CDKAL1: variants seen among roughly 807,000 people sequenced by gnomAD.
CDKAL1 encodes threonylcarbamoyladenosine tRNA methylthiotransferase.
CDKAL1 carries 32 observed loss-of-function variants against 68.2 expected under a neutral mutation model. The observed-to-expected ratio is 0.47, with a 90% confidence interval of 0.35 to 0.63. The LOEUF (loss-of-function observed/expected upper bound fraction) is 0.63. Ranked by LOEUF, CDKAL1 falls within the 30% of genes least tolerant of loss-of-function variation. The probability of loss-of-function intolerance (pLI) is 0.00; values close to 1 mark genes in which losing one functional copy is unlikely to be tolerated. For synonymous variants in CDKAL1, 234 were observed against 244.3 expected (o/e 0.96, Z 0.39); for missense variants, 606 against 696.7 (o/e 0.87, Z 1.47).
intron 11 of CDKAL1, among the ~76,000 whole-genome samples, chr6:21,033,636 A>G (rs1468876375): frequency 1.3e-5 from 2 of 152,154 alleles, no homozygotes; most frequent in African/African-American, 4.8e-5. Flanking sequence ...AGGCCTTGGC[A>G]TACTGTCATG....
chr6:20,575,441 C>CAAAAAAAAAA (rs57442477), intron 4 of CDKAL1, among the ~76,000 whole-genome samples: 6 of 94,310 alleles, frequency 6.4e-5, no homozygotes, highest in Non-Finnish European at 1.1e-4. Context: ...AGGGGCACCA[C>CAAAAAAAAAA]AAAAAAAAAA....
At chr6:20,678,037 A>G (rs1770197171) in intron 5 of CDKAL1, among the ~76,000 whole-genome samples, 1 of 148,472 alleles carries the variant, frequency 6.7e-6, no homozygotes, top group Admixed American at 6.7e-5. Flanking sequence ...AAGAAGGTGT[A>G]TTCTCTTCTC....
At chr6:20,799,917 G>C (rs1409915782) in intron 8 of CDKAL1, 2 of 152,208 alleles carry the variant, frequency 1.3e-5, no homozygotes, top group African/African-American at 2.4e-5. Context: ...ATGATGATTT[G>C]TTTAAATTTA....
chr6:21,221,684 T>A (rs1779544550), intron 15 of CDKAL1, among the ~76,000 whole-genome samples: 1 of 152,220 alleles, frequency 6.6e-6, no homozygotes, highest in African/African-American at 2.4e-5. Context: ...AAACTCTAAT[T>A]TATCCTGAGA....
At chr6:21,083,411 C>G (rs140820579) in intron 12 of CDKAL1, among the ~76,000 whole-genome samples, 1 of 152,042 alleles carries the variant, frequency 6.6e-6, no homozygotes, top group African/African-American at 2.4e-5. Context: ...CAGTTTTTAA[C>G]ATTTTGCTAC....
chr6:20,741,725 G>T (rs1363883731), intron 6 of CDKAL1, among the ~76,000 whole-genome samples: 2 of 152,080 alleles, frequency 1.3e-5, no homozygotes, highest in African/African-American at 4.8e-5. Flanking sequence ...GTCATTGTAG[G>T]TTGATTCCAT....
intron 2 of CDKAL1, among the ~76,000 whole-genome samples, chr6:20,540,234 T>A (rs1310805105): frequency 1.3e-5 from 2 of 151,390 alleles, no homozygotes; most frequent in African/African-American, 2.4e-5. Flanking sequence ...CCACTATGCC[T>A]GGCTAATTTT....
At position 20,944,624 on chromosome 6, in the gene CDKAL1, C is replaced by A. The variant is rs114536293; in HGVS notation, c.743-10795C>A. Among the ~76,000 whole-genome samples, 636 of 152,346 alleles carry A rather than the reference C, an allele frequency of 4.2e-3. 6 individuals are homozygous for A. The highest frequency in any genetic ancestry group is 0.014 in the African/African-American group (580 of 41,582). ...CCTCCCAAAGTGCCGGGATTATAGGCATGGGCCACTGTGCCTGGCCTGTCC... is the reference window on the plus strand; with the variant it reads ...CCTCCCAAAGTGCCGGGATTATAGGAATGGGCCACTGTGCCTGGCCTGTCC... On this transcript the variant is annotated intron_variant, in intron 9 of 15. Coordinates refer to ENST00000274695, the MANE Select transcript of CDKAL1 (RefSeq NM_017774.3).
chr6:20,688,127 C>G (rs1012025453), intron 5 of CDKAL1, among the ~76,000 whole-genome samples: 1 of 151,882 alleles, frequency 6.6e-6, no homozygotes, highest in African/African-American at 2.4e-5. Flanking sequence ...TTATTCCCCC[C>G]TCACCCCCCA....
At chr6:20,739,886 T>A (rs1323414320) in intron 6 of CDKAL1, among the ~76,000 whole-genome samples, 2 of 152,204 alleles carry the variant, frequency 1.3e-5, no homozygotes, top group Non-Finnish European at 2.9e-5. Flanking sequence ...ACCCGGTCTT[T>A]GGCTGTCTGT....
intron 9 of CDKAL1, among the ~76,000 whole-genome samples, chr6:20,913,116 T>TACAC (rs70990080): frequency 0.053 from 7,174 of 136,426 alleles, 273 homozygotes; most frequent in African/African-American, 0.096. Context: ...CACAGTTGTT[T>TACAC]ACACACACAC....
At chr6:20,632,316 A>G (rs537479571) in intron 4 of CDKAL1, among the ~76,000 whole-genome samples, 33 of 152,324 alleles carry the variant, frequency 2.2e-4, no homozygotes, top group African/African-American at 7.9e-4. Flanking sequence ...CAGCATCTCG[A>G]GAGAGCGTTG....
At chr6:21,051,101 C>T (rs1770513219) in intron 11 of CDKAL1, among the ~76,000 whole-genome samples, 1 of 152,128 alleles carries the variant, frequency 6.6e-6, no homozygotes, top group Non-Finnish European at 1.5e-5. Flanking sequence ...AATGTGGTCT[C>T]ATTAAAGTAG....
At chr6:20,762,275 G>A (rs4437452) in intron 7 of CDKAL1, among the ~76,000 whole-genome samples, 145,955 of 152,208 alleles carry the variant, frequency 0.96, 69,994 homozygotes, top group East Asian at 1. Context: ...GTGTGCATTT[G>A]GCTATGAAAG....
intron 4 of CDKAL1, among the ~76,000 whole-genome samples, chr6:20,622,660 G>C (rs1251024453): frequency 2.0e-5 from 3 of 152,028 alleles, no homozygotes; most frequent in African/African-American, 7.2e-5. Context: ...GAGAGATACA[G>C]GTTCAGTGAT....
chr6:20,894,847 A>G (rs955595312), intron 9 of CDKAL1, among the ~76,000 whole-genome samples: 2 of 152,146 alleles, frequency 1.3e-5, no homozygotes, highest in African/African-American at 4.8e-5. Context: ...GTGTTTTAAA[A>G]TATATATACA....
In CDKAL1 at chr6:21,150,636, G is replaced by A. The variant is rs1041878674; in HGVS notation, c.1299+42173G>A. On this transcript the variant is annotated intron_variant, in intron 13 of 15. Coordinates refer to ENST00000274695, the MANE Select transcript of CDKAL1 (RefSeq NM_017774.3). ...ACCAGTGACCTTGGGATTGATCAGA[G>A]GAAGCAGTCAAGTCCACTTGATATT... Among the ~76,000 whole-genome samples, 3 of 152,180 alleles carry A rather than the reference G, an allele frequency of 2.0e-5. 1 individual carries two copies. Among genetic ancestry groups the A allele is most frequent in the Admixed American group, 6.5e-5 (1 of 15,286 alleles).
At chr6:21,004,735 TAGG>T (rs991961394) in intron 11 of CDKAL1, among the ~76,000 whole-genome samples, 1 of 151,788 alleles carries the variant, frequency 6.6e-6, no homozygotes, top group Admixed American at 6.6e-5. Flanking sequence ...GAGGCTGAGG[TAGG>T]AGGATCACTT....
intron 11 of CDKAL1, among the ~76,000 whole-genome samples, chr6:21,040,066 T>C (rs959180532): frequency 2.0e-5 from 3 of 152,238 alleles, no homozygotes; most frequent in Non-Finnish European, 4.4e-5. Flanking sequence ...CTGTTCACTT[T>C]TGATGCGTCT....
Sources: gnomAD v4.1 joint callset for allele counts (sites outside exome capture counted in the v4.1 genomes callset) on GRCh38, gnomAD v4.1.1 for gene constraint, MANE v1.5 for transcripts, NCBI Gene and HGNC (gene_info 2026-07-23, HGNC 2026-07-21) for gene names.